C19orf44: variants seen among roughly 807,000 people sequenced by gnomAD.
C19orf44 encodes the protein uncharacterized protein C19orf44.
In C19orf44, 43 loss-of-function variants were observed where a neutral mutation model predicts 50.7. The observed-to-expected ratio is 0.85, with a 90% CI of 0.66 to 1.09. The LOEUF (loss-of-function observed/expected upper bound fraction) is 1.09. Among genes scored for constraint, C19orf44 ranks in the 50% least tolerant of loss-of-function variants. C19orf44 has a pLI of 0.00. For synonymous variants in C19orf44, 298 were observed against 334.7 expected (o/e 0.89, Z 1.20); for missense variants, 722 against 836.2 (o/e 0.86, Z 1.68).
At chr19:16,506,603 A>T in intron 3 of C19orf44, 98 bp from the exon 4 acceptor site, 1 of 829,080 alleles carries the variant, frequency 1.2e-6, no homozygotes, top group Non-Finnish European at 1.8e-6. Context: ...AAAAAAAAAA[A>T]GAAAAGAAAA....
rs201274229 is a variant in C19orf44, at chr19:16,519,284, C to T, written c.*41-810C>T. The T allele has an allele frequency of 3.0e-5, 49 of 1,613,926 alleles. No individual in the cohort carries two copies. Among genetic ancestry groups the T allele is most frequent in the African/African-American group, 6.7e-5 (5 of 74,932 alleles). Reference sequence around the variant, plus strand: ...TTATACTGGTCCCACTTATCCCGGACGTCCCCGCCCTTGATGGGGTCCTGG... The same window carrying T: ...TTATACTGGTCCCACTTATCCCGGATGTCCCCGCCCTTGATGGGGTCCTGG... On this transcript the variant is annotated intron_variant, in intron 8 of 8. Coordinates refer to ENST00000221671, the MANE Select transcript of C19orf44 (RefSeq NM_032207.4). This position sits in a 1 kb window ranked among gnomAD's most constrained non-coding sequence, Gnocchi z 6.0.
rs777007569 is a variant in C19orf44, at chr19:16,506,733, C to A, written c.1108C>A (p.Leu370Met). 6.2e-7 allele frequency: 1 copy of A among 1,605,846 alleles called. No individual in the cohort carries two copies. ...FRINILSLDGLAPAVSENSDL... is the reference protein window; with the variant it reads ...FRINILSLDGMAPAVSENSDL... ...AATAAATATTTTATCGCTTGACGGT[C>A]TGGCTCCAGCTGTCAGTGAGAACTC... Residue 370 changes from leucine to methionine, a missense_variant, in exon 4 of 9, where the codon CTG (leucine) becomes ATG (methionine). Transcript: ENST00000221671.
intron 3 of C19orf44, 36 bp from the exon 4 acceptor site, chr19:16,506,665 T>C (rs765351735): frequency 7.4e-7 from 1 of 1,349,996 alleles, no homozygotes; most frequent in Admixed American, 2.4e-5. Context: ...AATAAGAGAG[T>C]AAATGTAAAC....
At position 16,517,207 on chromosome 19, in the gene C19orf44, GTGGTC is replaced by G. The variant is rs778733178; in HGVS notation, c.1903-20_1903-16del. On this transcript the variant is annotated intron_variant, in intron 7 of 8. Transcript: ENST00000221671. ...GTACTGAGGTGACGATGGTGATGGC[GTGGTC>G]TGTTCTCTGCCTGACAGTACATTAG... The G allele has an allele frequency of 1.9e-6, 3 of 1,608,880 alleles. No homozygotes were observed. Among genetic ancestry groups the G allele is most frequent in the Non-Finnish European group, 2.6e-6 (3 of 1,175,586 alleles).
rs568284895 is a variant in C19orf44, at chr19:16,513,227, T to C, written c.1735+118T>C. 297 of 990,630 alleles carry C rather than the reference T, an allele frequency of 3.0e-4. No individual in the cohort carries two copies. In the African/African-American group the frequency reaches 4.2e-3, roughly 14 times the overall value. The allele number at this position is 990,630 out of a possible 1,614,324, so 61.4% of individuals were successfully genotyped here. ...TTGCATGCTGGCTTCCAGGGGTCCA[T>C]TGGGCAGGGATTATTGCAGCCACAG... On this transcript the variant is annotated intron_variant, in intron 6 of 8. Coordinates refer to ENST00000221671, the MANE Select transcript of C19orf44 (RefSeq NM_032207.4).
Position 16,520,103 on chromosome 19 carries a change from G to C in C19orf44, c.*50G>C, listed in dbSNP as rs138855076. 7.6e-6 allele frequency: 12 copies of C among 1,573,584 alleles called. No individual in the cohort carries two copies. The highest frequency in any genetic ancestry group is 2.7e-5 in the African/African-American group (2 of 73,980). On this transcript the variant is annotated 3_prime_UTR_variant, in exon 9 of 9. Coordinates refer to ENST00000221671, the MANE Select transcript of C19orf44 (RefSeq NM_032207.4). The surrounding 1 kb of genome is among the most constrained non-coding windows in gnomAD (Gnocchi z 4.0). Reference sequence around the variant, plus strand: ...GTTTCCACATTCACAGCAAAGCACCGCAGCTTCCCAGAGTTACCAGCGCAG... The same window carrying C: ...GTTTCCACATTCACAGCAAAGCACCCCAGCTTCCCAGAGTTACCAGCGCAG...
chr19:16,514,957 G>A (rs1361751222), intron 7 of C19orf44, among the ~76,000 whole-genome samples: 1 of 152,242 alleles, frequency 6.6e-6, no homozygotes, highest in Non-Finnish European at 1.5e-5. Context: ...TTCTCCCATG[G>A]GAGGGGTCCT....
At chr19:16,509,172 C>T (rs1266405732) in intron 4 of C19orf44, among the ~76,000 whole-genome samples, 1 of 151,874 alleles carries the variant, frequency 6.6e-6, no homozygotes, top group African/African-American at 2.4e-5. Context: ...GCTGTGTTGC[C>T]CAGGCAGGTC....
intron 3 of C19orf44, among the ~76,000 whole-genome samples, chr19:16,504,611 T>G (rs543596814): frequency 1.1e-3 from 163 of 151,910 alleles, no homozygotes; most frequent in Non-Finnish European, 1.6e-3. Flanking sequence ...CTGTTTTTTT[T>G]TTTGTTTGTT....
chr19:16,500,228 C>A (rs1011295064), intron 1 of C19orf44, among the ~76,000 whole-genome samples: 3 of 152,140 alleles, frequency 2.0e-5, no homozygotes, highest in African/African-American at 4.8e-5. Context: ...TGAGCCCAGC[C>A]ATTGGTAATG....
chr19:16,513,171 A>AT, intron 6 of C19orf44, 62 bp downstream of exon 6: 1 of 1,521,346 alleles, frequency 6.6e-7, no homozygotes, highest in Non-Finnish European at 9.0e-7. Context: ...TCACCTGCAG[A>AT]TTCACACCCA....
At chr19:16,505,897 G>T (rs2093439305) in intron 3 of C19orf44, among the ~76,000 whole-genome samples, 1 of 151,832 alleles carries the variant, frequency 6.6e-6, no homozygotes, top group East Asian at 1.9e-4. Context: ...GACCAGGCTG[G>T]TGTTGAACTC....
chr19:16,520,667 G>A lies in C19orf44; in HGVS notation c.*614G>A, dbSNP rs148484490. 195 of 1,136,788 alleles carry A rather than the reference G, an allele frequency of 1.7e-4. 1 individual carries two copies. In the East Asian group the frequency reaches 4.3e-3, roughly 25 times the overall value. The allele number at this position is 1,136,788 out of a possible 1,614,324, so 70.4% of individuals were successfully genotyped here. A position where few individuals can be genotyped will look rare whatever the true frequency, so the allele number is the denominator to read the frequency against. On this transcript the variant is annotated 3_prime_UTR_variant, in exon 9 of 9. Coordinates refer to ENST00000221671, the MANE Select transcript of C19orf44 (RefSeq NM_032207.4). This position sits in a 1 kb window ranked among gnomAD's most constrained non-coding sequence, Gnocchi z 4.0. ...TACCAAGTTCCTAAATAGTGTGGCC[G>A]AGCCTGCTGCTGTGTGAATTCAGGC...
Position 16,519,077 on chromosome 19 carries a change from C to G in C19orf44, c.*41-1017C>G. On this transcript the variant is annotated intron_variant, in intron 8 of 8. Transcript: ENST00000221671. The surrounding 1 kb of genome is among the most constrained non-coding windows in gnomAD (Gnocchi z 6.0). The stretch of plus-strand genomic sequence containing the variant: ...AGACGGTGTAAGAACTGAGCTGTCA[C>G]TGCAATCTTCCTCTGCCAGTCAGCC... The G allele has an allele frequency of 7.8e-7, 1 of 1,287,602 alleles. No individual in the cohort carries two copies. The highest frequency in any genetic ancestry group is 2.5e-5 in the East Asian group (1 of 40,096). 79.8% of individuals were successfully genotyped at this position (1,287,602 alleles called of 1,614,324 possible).
chr19:16,521,144 G>A lies in C19orf44; in HGVS notation c.*1091G>A. On this transcript the variant is annotated 3_prime_UTR_variant, in exon 9 of 9. Coordinates refer to ENST00000221671, the MANE Select transcript of C19orf44 (RefSeq NM_032207.4). ...CTTGCCACCCTGCTGTTCCGCTGAG[G>A]TGGTGGGGACCCATGGTCTGTGGAA... is the stretch of plus-strand genomic sequence containing the variant. 1 of 597,858 alleles carries A rather than the reference G, an allele frequency of 1.7e-6. No homozygotes were observed. Among genetic ancestry groups the A allele is most frequent in the East Asian group, 2.8e-5 (1 of 35,864 alleles). 37.0% of individuals were successfully genotyped at this position (597,858 alleles called of 1,614,324 possible). A position where few individuals can be genotyped will look rare whatever the true frequency, so the allele number is the denominator to read the frequency against.
rs560588233 is a variant in C19orf44, at chr19:16,520,468, C to T, written c.*415C>T. ...TTGAGTTGGAGCGGGAGGAAGAACG[C>T]CCTCGACTCTTGGATCTGCTCCGAG... On this transcript the variant is annotated 3_prime_UTR_variant, in exon 9 of 9. Coordinates refer to ENST00000221671, the MANE Select transcript of C19orf44 (RefSeq NM_032207.4). This position sits in a 1 kb window ranked among gnomAD's most constrained non-coding sequence, Gnocchi z 4.0. 2.5e-6 allele frequency: 4 copies of T among 1,614,044 alleles called. No homozygotes were observed. The Admixed American group carries it at 5.0e-5, about 20-fold the overall frequency.
In C19orf44 at chr19:16,519,456, T is replaced by A; in HGVS notation, c.*41-638T>A. 7.4e-7 allele frequency: 1 copy of A among 1,345,698 alleles called. No homozygotes were observed. The allele number at this position is 1,345,698 out of a possible 1,614,324, so 83.4% of individuals were successfully genotyped here. A position where few individuals can be genotyped will look rare whatever the true frequency, so the allele number is the denominator to read the frequency against. On this transcript the variant is annotated intron_variant, in intron 8 of 8. Transcript: ENST00000221671. The surrounding 1 kb of genome is among the most constrained non-coding windows in gnomAD (Gnocchi z 6.0). ...AGGCAGTGTAGACATGGGAAATGGGTAGAGAGAACCCGCAGGCCGGCCCTG... is the reference window on the plus strand; with the variant it reads ...AGGCAGTGTAGACATGGGAAATGGGAAGAGAGAACCCGCAGGCCGGCCCTG...
rs1373120641 is a variant in C19orf44, at chr19:16,506,824, A to T, written c.1149+50A>T. On this transcript the variant is annotated intron_variant, in intron 4 of 8. Coordinates refer to ENST00000221671, the MANE Select transcript of C19orf44 (RefSeq NM_032207.4). ...ATGGTCGATTGTTTTTGGCTTCAAC[A>T]TTTTTTTTTTTAAATTTTTAAAAAA... The T allele has an allele frequency of 1.6e-5, 19 of 1,219,682 alleles. No homozygotes were observed. In the East Asian group the frequency reaches 3.7e-4, roughly 23 times the overall value. The allele number at this position is 1,219,682 out of a possible 1,614,324, so 75.6% of individuals were successfully genotyped here.
At chr19:16,502,325 C>T (rs1359445292) in intron 2 of C19orf44, among the ~76,000 whole-genome samples, 2 of 148,340 alleles carry the variant, frequency 1.3e-5, no homozygotes, top group Non-Finnish European at 3.0e-5. Context: ...GCAACTTCTG[C>T]CTCCTGGGTT....
Sources: gnomAD v4.1 joint callset for allele counts (sites outside exome capture counted in the v4.1 genomes callset) on GRCh38, gnomAD v4.1.1 for gene constraint, Gnocchi (gnomAD v3.1) non-coding constraint, MANE v1.5 for transcripts, NCBI Gene and HGNC (gene_info 2026-07-23, HGNC 2026-07-21) for gene names.